Variants in DIP2C observed in about 807,000 individuals in gnomAD.
DIP2C encodes DIP2 acetate--CoA ligase C (putative).
Under a neutral mutation model 192.4 loss-of-function variants are expected in DIP2C, and 33 were observed. That is an observed-to-expected ratio of 0.17 (90% CI 0.13 to 0.23). The LOEUF (loss-of-function observed/expected upper bound fraction) is 0.23, where lower values mean the gene tolerates loss of function less well. Among genes scored for constraint, DIP2C ranks in the 10% least tolerant of loss-of-function variants. DIP2C has a pLI of 1.00. For missense variants in DIP2C, 1,537 were observed against 2,110.1 expected (o/e 0.73, Z 5.32); for synonymous variants, 979 against 864.1 (o/e 1.13, Z -2.33).
At chr10:357,140 C>T (rs1959119723) in intron 23 of DIP2C, among the ~76,000 whole-genome samples, 1 of 152,192 alleles carries the variant, frequency 6.6e-6, no homozygotes, top group African/African-American at 2.4e-5. Context: ...GATTTTGCCC[C>T]ATTTCCTAAT....
intron 1 of DIP2C, among the ~76,000 whole-genome samples, chr10:634,559 C>T (rs1360499877): frequency 6.6e-6 from 1 of 152,008 alleles, no homozygotes; most frequent in Non-Finnish European, 1.5e-5. Flanking sequence ...TACTGAACAA[C>T]GTCCTTAAGA....
At chr10:390,570 G>A (rs546043569) in intron 11 of DIP2C, among the ~76,000 whole-genome samples, 170 bp downstream of exon 11, 133 of 151,806 alleles carry the variant, frequency 8.8e-4, no homozygotes, top group African/African-American at 2.8e-3. Context: ...CACCCCACGG[G>A]CTGGCAACTC....
chr10:565,256 C>G (rs1348236562), intron 1 of DIP2C, among the ~76,000 whole-genome samples: 1 of 150,962 alleles, frequency 6.6e-6, no homozygotes, highest in Non-Finnish European at 1.5e-5. Flanking sequence ...TGTACATACA[C>G]AGCATTTAAG....
intron 29 of DIP2C, among the ~76,000 whole-genome samples, chr10:332,094 G>C (rs562666705): frequency 2.0e-5 from 3 of 152,124 alleles, no homozygotes; most frequent in Admixed American, 2.0e-4. Context: ...GAGACTAGAG[G>C]CACATACCAC....
chr10:519,592 G>A (rs1846569946), intron 1 of DIP2C, among the ~76,000 whole-genome samples: 1 of 152,336 alleles, frequency 6.6e-6, no homozygotes, highest in Non-Finnish European at 1.5e-5. Context: ...GAAGAGGGCC[G>A]TTTCAGATGC....
chr10:541,952 T>C (rs1848015804), intron 1 of DIP2C, among the ~76,000 whole-genome samples: 1 of 147,294 alleles, frequency 6.8e-6, no homozygotes, highest in Non-Finnish European at 1.5e-5. Flanking sequence ...CACTGAGCCT[T>C]GTCAGGGGCC....
At chr10:288,621 A>C (rs1167774713) in intron 32 of DIP2C, among the ~76,000 whole-genome samples, 200 bp from the exon 33 acceptor site, 1 of 152,260 alleles carries the variant, frequency 6.6e-6, no homozygotes, top group Non-Finnish European at 1.5e-5. Flanking sequence ...CAGAGAAGGC[A>C]GATGAAGCCG....
At chr10:628,169 T>C (rs1428619703) in intron 1 of DIP2C, among the ~76,000 whole-genome samples, 1 of 152,128 alleles carries the variant, frequency 6.6e-6, no homozygotes, top group Admixed American at 6.5e-5. Flanking sequence ...AAGTAGCAGA[T>C]TAGGATTCAA....
chr10:507,842 CAG>C (rs1178776732), intron 1 of DIP2C, among the ~76,000 whole-genome samples: 3 of 152,196 alleles, frequency 2.0e-5, no homozygotes, highest in South Asian at 2.1e-4. Flanking sequence ...GCATCATCCT[CAG>C]AAACTGTTCC....
At chr10:306,521 G>A (rs117785700) in intron 32 of DIP2C, among the ~76,000 whole-genome samples, 148 of 152,338 alleles carry the variant, frequency 9.7e-4, no homozygotes, top group Middle Eastern at 3.4e-3. Context: ...TCGCAAGTGA[G>A]TGTGCCATTA....
intron 1 of DIP2C, among the ~76,000 whole-genome samples, chr10:681,373 T>C (rs1012680433): frequency 2.1e-4 from 31 of 151,198 alleles, no homozygotes; most frequent in African/African-American, 7.6e-4. Context: ...CTCAGTCACA[T>C]GGTACAGCCA....
At chr10:560,025 C>A (rs1378637973) in intron 1 of DIP2C, among the ~76,000 whole-genome samples, 3 of 149,058 alleles carry the variant, frequency 2.0e-5, no homozygotes, top group Non-Finnish European at 4.5e-5. Context: ...CTCCCCACCC[C>A]CTCCGGTTCT....
chr10:422,945 C>T lies in DIP2C; in HGVS notation c.483G>A (p.Glu161=). Residue 161 remains glutamate (E), a synonymous_variant, in exon 5 of 37, where the codon GAG becomes GAA. Coordinates refer to ENST00000280886, the MANE Select transcript of DIP2C (RefSeq NM_014974.3). The part of the protein sequence containing the change: ...PTSSQGSINM[E]HWISQAIHGS... ...CGTGGATGGCCTGGCTGATCCAGTG[C>T]TCCATATTGATGCTGCCCTGGCTGG... 3 of 1,614,184 alleles carry T rather than the reference C, an allele frequency of 1.9e-6. No homozygotes were observed. Among genetic ancestry groups the T allele is most frequent in the Non-Finnish European group, 2.5e-6 (3 of 1,180,034 alleles).
At chr10:517,558 C>T (rs1021370272) in intron 1 of DIP2C, among the ~76,000 whole-genome samples, 1 of 152,166 alleles carries the variant, frequency 6.6e-6, no homozygotes, top group African/African-American at 2.4e-5. Flanking sequence ...GCGGTGAAGG[C>T]AAGAATAATT....
intron 1 of DIP2C, among the ~76,000 whole-genome samples, chr10:574,227 G>A (rs1452532765): frequency 6.6e-6 from 1 of 152,146 alleles, no homozygotes; most frequent in African/African-American, 2.4e-5. Context: ...TATAACTTAA[G>A]CTAGGAAATT....
chr10:520,245 G>A (rs1450030861), intron 1 of DIP2C, among the ~76,000 whole-genome samples: 1 of 152,114 alleles, frequency 6.6e-6, no homozygotes, highest in African/African-American at 2.4e-5. Context: ...CGCTCAGCAG[G>A]GAGGGCCGCG....
At chr10:426,130 C>A (rs1319975369) in intron 4 of DIP2C, among the ~76,000 whole-genome samples, 2 of 152,080 alleles carry the variant, frequency 1.3e-5, no homozygotes, top group Non-Finnish European at 2.9e-5. Flanking sequence ...AGAAGTCCAT[C>A]AAAAATGTTT....
intron 4 of DIP2C, among the ~76,000 whole-genome samples, chr10:427,384 C>T (rs1280471231): frequency 6.6e-6 from 1 of 152,166 alleles, no homozygotes; most frequent in East Asian, 1.9e-4. Flanking sequence ...CTGCAAAATC[C>T]CTTTTACCAC....
chr10:619,355 G>A (rs948723131), intron 1 of DIP2C, among the ~76,000 whole-genome samples: 18 of 152,194 alleles, frequency 1.2e-4, no homozygotes, highest in African/African-American at 3.6e-4. Flanking sequence ...ATGTCAGCAG[G>A]GCTGGCTCCG....
Sources: gnomAD v4.1 joint callset for allele counts (sites outside exome capture counted in the v4.1 genomes callset) on GRCh38, gnomAD v4.1.1 for gene constraint, MANE v1.5 for transcripts, NCBI Gene and HGNC (gene_info 2026-07-23, HGNC 2026-07-21) for gene names.